Variants in CHL1 observed in about 807,000 individuals in gnomAD.
The protein encoded by CHL1 is cell adhesion molecule L1 like, also known as neural cell adhesion molecule L1-like protein.
A neutral mutation model predicts 141.9 loss-of-function variants in CHL1; 96 were observed. The observed-to-expected ratio is 0.68, with a 90% CI of 0.57 to 0.80. CHL1 has a LOEUF of 0.80. CHL1 is among the 30% of genes least tolerant of loss of function. The pLI, the probability that CHL1 is intolerant of heterozygous loss-of-function variation, is 0.00. For missense variants in CHL1, 1,820 were observed against 1,457.2 expected, an observed-to-expected ratio of 1.25 and a Z score of -4.05; for synonymous variants, 613 against 502.2, an observed-to-expected ratio of 1.22 and a Z score of -2.95.
In CHL1 at chr3:214,879, G is replaced by A. The variant is rs568784647; in HGVS notation, c.-175+17816G>A. ...TTCCTTGAAAAGATTAATTATGTAT[G>A]CCTAATGAGATAACAGTGACAAGGT... On this transcript the variant is annotated intron_variant, in intron 1 of 27. Coordinates refer to ENST00000256509, the MANE Select transcript of CHL1 (RefSeq NM_006614.4). 4.6e-5 allele frequency among the ~76,000 whole-genome samples: 7 copies of A among 152,028 alleles called. No individual in the cohort carries two copies. In the South Asian group the frequency reaches 6.2e-4, roughly 14 times the overall value.
intron 5 of CHL1, 60 bp from the exon 6 acceptor site, chr3:340,731 ATAT>A: frequency 7.6e-7 from 1 of 1,308,744 alleles, no homozygotes; most frequent in Non-Finnish European, 1.1e-6. Context: ...ACATATTAAG[ATAT>A]TTGTTGTTAT....
intron 1 of CHL1, among the ~76,000 whole-genome samples, chr3:208,524 C>G (rs1207309489): frequency 6.8e-6 from 1 of 147,748 alleles, no homozygotes. Flanking sequence ...TTGAGCTACA[C>G]TTTTGTTTCT....
intron 1 of CHL1, among the ~76,000 whole-genome samples, chr3:224,183 A>G (rs1332721469): frequency 6.6e-6 from 1 of 152,134 alleles, no homozygotes; most frequent in African/African-American, 2.4e-5. Flanking sequence ...GTCCCTGAAC[A>G]AGGAGGGAGT....
chr3:214,372 T>C (rs1335068850), intron 1 of CHL1, among the ~76,000 whole-genome samples: 5 of 152,190 alleles, frequency 3.3e-5, no homozygotes, highest in African/African-American at 1.2e-4. Context: ...TAATAATGAC[T>C]TCAAATATTA....
intron 16 of CHL1, among the ~76,000 whole-genome samples, chr3:380,917 A>C (rs1706949879): frequency 6.6e-6 from 1 of 152,214 alleles, no homozygotes; most frequent in Non-Finnish European, 1.5e-5. Flanking sequence ...AGCTTAATAA[A>C]ATATGACCCC....
intron 2 of CHL1, among the ~76,000 whole-genome samples, chr3:251,986 C>T (rs80115455): frequency 0.076 from 11,501 of 151,830 alleles, 511 homozygotes; most frequent in Middle Eastern, 0.11. Flanking sequence ...AGTTGGAAAT[C>T]GAAATCCAAG....
At chr3:364,024 C>T (rs1704562264) in intron 14 of CHL1, 1 of 152,088 alleles carries the variant, frequency 6.6e-6, no homozygotes, top group Admixed American at 6.6e-5. Flanking sequence ...TCACTTCCAC[C>T]TAGATAAGGG....
At chr3:361,129 C>T (rs531417186) in intron 12 of CHL1, among the ~76,000 whole-genome samples, 2 of 151,814 alleles carry the variant, frequency 1.3e-5, no homozygotes, top group South Asian at 2.1e-4. Context: ...GAAAGGAATC[C>T]CTATTTAATA....
At chr3:337,511 C>A (rs944941196) in intron 5 of CHL1, among the ~76,000 whole-genome samples, 1 of 149,794 alleles carries the variant, frequency 6.7e-6, no homozygotes, top group East Asian at 2.0e-4. Context: ...TGCTATCCCT[C>A]CCCTCTCCCC....
intron 8 of CHL1, among the ~76,000 whole-genome samples, chr3:343,383 C>A (rs1466291795): frequency 6.6e-6 from 1 of 152,008 alleles, no homozygotes; most frequent in African/African-American, 2.4e-5. Context: ...TGTCAAAAGA[C>A]GTAGAGAAAA....
At chr3:230,816 A>C (rs1701789514) in intron 1 of CHL1, among the ~76,000 whole-genome samples, 1 of 152,126 alleles carries the variant, frequency 6.6e-6, no homozygotes, top group Non-Finnish European at 1.5e-5. Flanking sequence ...TATTTCTCTA[A>C]ATTAAGGCTG....
At chr3:260,362 T>C (rs756962563) in intron 2 of CHL1, among the ~76,000 whole-genome samples, 6 of 152,244 alleles carry the variant, frequency 3.9e-5, no homozygotes, top group Non-Finnish European at 7.3e-5. Flanking sequence ...CATTAGAATA[T>C]AATTATGCTG....
intron 1 of CHL1, among the ~76,000 whole-genome samples, chr3:242,468 CG>C (rs1377358980): frequency 6.8e-6 from 1 of 146,040 alleles, no homozygotes; most frequent in South Asian, 2.2e-4. Flanking sequence ...TGGTGGTGGG[CG>C]CCTGTAGTCC....
intron 5 of CHL1, among the ~76,000 whole-genome samples, chr3:330,060 T>C (rs1368223221): frequency 1.3e-5 from 2 of 152,186 alleles, no homozygotes; most frequent in Middle Eastern, 3.4e-3. Context: ...ACATAGAATA[T>C]TGTAACTAAC....
chr3:383,939 A>C, intron 19 of CHL1, 53 bp downstream of exon 19: 1 of 1,225,828 alleles, frequency 8.2e-7, no homozygotes, highest in Non-Finnish European at 1.2e-6. Flanking sequence ...TCTTCCTCTT[A>C]GGTCTGCATG....
intron 2 of CHL1, among the ~76,000 whole-genome samples, chr3:300,670 T>A (rs1366634415): frequency 6.6e-6 from 1 of 152,172 alleles, no homozygotes; most frequent in Admixed American, 6.6e-5. Context: ...CTGAGTTTAT[T>A]GTCTAGTAAG....
intron 1 of CHL1, among the ~76,000 whole-genome samples, chr3:206,718 A>G (rs1346645724): frequency 6.6e-6 from 1 of 152,228 alleles, no homozygotes; most frequent in African/African-American, 2.4e-5. Flanking sequence ...AAATCAAGTC[A>G]TATAAGCGTC....
intron 2 of CHL1, chr3:247,048 A>G (rs752426349): frequency 8.6e-5 from 13 of 151,962 alleles, no homozygotes; most frequent in Non-Finnish European, 1.6e-4. Context: ...CAAAGACATA[A>G]AGAGAGTAGA....
intron 2 of CHL1, among the ~76,000 whole-genome samples, chr3:301,620 A>G (rs1183731591): frequency 6.6e-6 from 1 of 152,238 alleles, no homozygotes; most frequent in East Asian, 1.9e-4. Context: ...TATGAGAAGC[A>G]AAGCAGAATT....
Sources: allele counts gnomAD v4.1 joint callset (sites outside exome capture counted in the v4.1 genomes callset), GRCh38; gene constraint gnomAD v4.1.1; transcripts MANE v1.5; gene names NCBI Gene and HGNC (gene_info 2026-07-23, HGNC 2026-07-21).